The following ROR1 variants were observed in gnomAD, a reference collection of about 807,000 sequenced individuals.
The protein encoded by ROR1 is ROR family WNT receptor 1.
In ROR1, 19 loss-of-function variants were observed where a neutral mutation model predicts 78.8. That is an observed-to-expected ratio of 0.24 (90% CI 0.17 to 0.35). ROR1 has a LOEUF of 0.35. Ranked by LOEUF, ROR1 falls within the 10% of genes least tolerant of loss-of-function variation. The probability of loss-of-function intolerance (pLI) is 1.00; values close to 1 mark genes in which losing one functional copy is unlikely to be tolerated. For synonymous variants in ROR1, 386 were observed against 433.6 expected (o/e 0.89, Z 1.36); for missense variants, 917 against 1,177.8 (o/e 0.78, Z 3.24).
At chr1:63,805,488 C>T (rs1184111921) in intron 1 of ROR1, among the ~76,000 whole-genome samples, 1 of 152,180 alleles carries the variant, frequency 6.6e-6, no homozygotes, top group African/African-American at 2.4e-5. Context: ...AAGTATAATG[C>T]AGTTTATAAA....
chr1:63,774,433 C>A lies in ROR1; in HGVS notation c.16C>A (p.Arg6Ser), dbSNP rs1205371508. 12 of 1,176,020 alleles carry A rather than the reference C, an allele frequency of 1.0e-5. No individual in the cohort carries two copies. In the African/African-American group the frequency reaches 1.6e-4, roughly 16 times the overall value. The allele number at this position is 1,176,020 out of a possible 1,614,324, so 72.8% of individuals were successfully genotyped here. A position where few individuals can be genotyped will look rare whatever the true frequency, so the allele number is the denominator to read the frequency against. ...GAGAGGAGGAATGCACCGGCCGCGC[C>A]GCCGCGGGACGCGCCCGCCGCTCCT... is the stretch of plus-strand genomic sequence containing the variant. MHRPR[R>S]RGTRPPLLAL... The change falls in exon 1 of 9, where the codon CGC becomes AGC. Residue 6 changes from arginine to serine, a missense_variant. Physicochemically the swap from Arg to Ser is moderately radical, Grantham distance 110 (BLOSUM62 -1). This residue lies in a region of ROR1 where 63 missense variants were observed against 57.0 expected (regional missense o/e 1.10). Coordinates refer to ENST00000371079, the MANE Select transcript of ROR1 (RefSeq NM_005012.4). The surrounding 1 kb of genome is among the most constrained non-coding windows in gnomAD (Gnocchi z 5.7).
At position 64,142,740 on chromosome 1, in the gene ROR1, G is replaced by A. The variant is rs11208364; in HGVS notation, c.1174+90G>A. ...TATTTAGGAGAATCCTATAAGGGGG[G>A]CAAAGAAAATGGACAGTATTTGCTT... On this transcript the variant is annotated intron_variant, in intron 7 of 8. Coordinates refer to ENST00000371079, the MANE Select transcript of ROR1 (RefSeq NM_005012.4). The A allele has an allele frequency of 0.18, 284,628 of 1,545,256 alleles. 27,705 individuals are homozygous for A. Among genetic ancestry groups the A allele is most frequent in the Non-Finnish European group, 0.2 (232,282 of 1,148,004 alleles).
intron 1 of ROR1, among the ~76,000 whole-genome samples, chr1:63,879,233 G>A (rs979994128): frequency 6.6e-6 from 1 of 152,138 alleles, no homozygotes; most frequent in Non-Finnish European, 1.5e-5. Flanking sequence ...CTGGAGTGAT[G>A]ACTTTTTCCT....
chr1:63,907,000 T>A (rs1402901979), intron 1 of ROR1, among the ~76,000 whole-genome samples: 1 of 152,176 alleles, frequency 6.6e-6, no homozygotes, highest in Admixed American at 6.5e-5. Context: ...AACAAAATGA[T>A]CGCCCCAGAA....
chr1:63,996,422 C>T (rs923319884), intron 1 of ROR1, among the ~76,000 whole-genome samples: 7 of 152,072 alleles, frequency 4.6e-5, no homozygotes, highest in Non-Finnish European at 8.8e-5. Context: ...TCCAGACAGG[C>T]GAAACATTTT....
At chr1:63,938,303 G>C (rs1645809487) in intron 1 of ROR1, among the ~76,000 whole-genome samples, 1 of 152,164 alleles carries the variant, frequency 6.6e-6, no homozygotes, top group Non-Finnish European at 1.5e-5. Flanking sequence ...GATATGCATA[G>C]GTTATATGCA....
intron 1 of ROR1, among the ~76,000 whole-genome samples, chr1:63,945,462 A>G (rs556929370): frequency 1.3e-5 from 2 of 152,328 alleles, no homozygotes; most frequent in South Asian, 4.1e-4. Flanking sequence ...TCTGTTGTAC[A>G]GTCCCCTGAC....
intron 1 of ROR1, among the ~76,000 whole-genome samples, chr1:63,870,794 A>C (rs1017441904): frequency 1.3e-4 from 20 of 152,302 alleles, no homozygotes; most frequent in African/African-American, 4.8e-4. Flanking sequence ...GAGTCCCCAA[A>C]GTGTGTACAG....
At position 63,938,979 on chromosome 1, in the gene ROR1, C is replaced by T. The variant is rs151167481; in HGVS notation, c.92-70326C>T. Among the ~76,000 whole-genome samples the T allele has an allele frequency of 3.0e-4, 45 of 152,164 alleles. 2 individuals carry two copies. The East Asian group carries it at 6.8e-3, about 23-fold the overall frequency. On this transcript the variant is annotated intron_variant, in intron 1 of 8. Coordinates refer to ENST00000371079, the MANE Select transcript of ROR1 (RefSeq NM_005012.4). ...TGCCACCGCACTGCAGCTTGGGTGACGGAGGGAGACCCTGTCTCAATAAAT... is the reference window on the plus strand; with the variant it reads ...TGCCACCGCACTGCAGCTTGGGTGATGGAGGGAGACCCTGTCTCAATAAAT...
At chr1:63,983,125 T>G (rs1458432488) in intron 1 of ROR1, among the ~76,000 whole-genome samples, 3 of 152,190 alleles carry the variant, frequency 2.0e-5, no homozygotes, top group Non-Finnish European at 4.4e-5. Flanking sequence ...TCCTCCAATG[T>G]GCCAGGTATG....
intron 4 of ROR1, among the ~76,000 whole-genome samples, chr1:64,132,167 TG>T (rs1648933512): frequency 6.6e-6 from 1 of 152,368 alleles, no homozygotes; most frequent in African/African-American, 2.4e-5. Context: ...GTGCCCTTTT[TG>T]TTCAGCTTAT....
chr1:64,057,097 T>A (rs1175522732), intron 4 of ROR1, among the ~76,000 whole-genome samples: 1 of 152,230 alleles, frequency 6.6e-6, no homozygotes, highest in Non-Finnish European at 1.5e-5. Context: ...GATTTACTCC[T>A]CTGTTTTTTT....
intron 2 of ROR1, among the ~76,000 whole-genome samples, chr1:64,044,582 T>C (rs1361274822): frequency 1.3e-5 from 2 of 152,212 alleles, no homozygotes; most frequent in Non-Finnish European, 2.9e-5. Context: ...ATTTTTAATA[T>C]TTCATATGGC....
Position 63,835,791 on chromosome 1 carries a change from C to T in ROR1, c.91+61283C>T, listed in dbSNP as rs7532356. Among the ~76,000 whole-genome samples, 606 of 152,310 alleles carry T rather than the reference C, an allele frequency of 4.0e-3. 6 individuals are homozygous for T. The highest frequency in any genetic ancestry group is 0.014 in the African/African-American group (581 of 41,558). On this transcript the variant is annotated intron_variant, in intron 1 of 8. Transcript: ENST00000371079. ...TTGTGTTGTTGGACAATATAGGGTG[C>T]ACACAGTAATGTGGATTTCATTTTT...
chr1:64,094,255 T>G (rs769954065), intron 4 of ROR1, among the ~76,000 whole-genome samples: 1 of 152,150 alleles, frequency 6.6e-6, no homozygotes, highest in Non-Finnish European at 1.5e-5. Context: ...TCTCTGGGAA[T>G]CATTCTCTGT....
intron 1 of ROR1, among the ~76,000 whole-genome samples, chr1:63,926,572 G>T (rs1244940418): frequency 7.4e-6 from 1 of 134,234 alleles, no homozygotes; most frequent in Non-Finnish European, 1.6e-5. Context: ...TGATGGGGAT[G>T]GCATTGAATC....
chr1:63,848,869 A>G (rs1645097401), intron 1 of ROR1, among the ~76,000 whole-genome samples: 1 of 152,226 alleles, frequency 6.6e-6, no homozygotes, highest in African/African-American at 2.4e-5. Flanking sequence ...ATGATTTAGA[A>G]TCTTAATGTA....
chr1:64,079,483 C>CT (rs1647082099), intron 4 of ROR1, among the ~76,000 whole-genome samples: 1 of 133,238 alleles, frequency 7.5e-6, no homozygotes, highest in Admixed American at 7.9e-5. Context: ...TTTTTTTTTT[C>CT]TTTTTTGGAG....
intron 4 of ROR1, among the ~76,000 whole-genome samples, chr1:64,070,144 C>T (rs1171267928): frequency 6.6e-6 from 1 of 152,152 alleles, no homozygotes; most frequent in Admixed American, 6.5e-5. Context: ...GAATCATACA[C>T]AGTATGTGGC....
Sources: allele counts gnomAD v4.1 joint callset (sites outside exome capture counted in the v4.1 genomes callset), GRCh38; gene constraint gnomAD v4.1.1; regional missense constraint gnomAD v4.1.1; non-coding constraint Gnocchi (gnomAD v3.1); transcripts MANE v1.5; gene names NCBI Gene and HGNC (gene_info 2026-07-23, HGNC 2026-07-21).